The following DLGAP1 variants were observed in gnomAD, a reference collection of about 807,000 sequenced individuals.
DLGAP1 encodes the protein disks large-associated protein 1.
A neutral mutation model predicts 90.8 loss-of-function variants in DLGAP1; 11 were observed. That is an observed-to-expected ratio of 0.12 (90% CI 0.08 to 0.20). The LOEUF (loss-of-function observed/expected upper bound fraction) is 0.20, where lower values mean the gene tolerates loss of function less well. DLGAP1 is among the 10% of genes least tolerant of loss of function. The pLI is 1.00. For synonymous variants in DLGAP1, 558 were observed against 540.7 expected (o/e 1.03, Z -0.44); for missense variants, 1,050 against 1,333.8 (o/e 0.79, Z 3.31).
intron 7 of DLGAP1, among the ~76,000 whole-genome samples, chr18:3,592,497 C>A (rs1234015301): frequency 6.6e-6 from 1 of 152,178 alleles, no homozygotes; most frequent in African/African-American, 2.4e-5. Context: ...TCCTAATCAC[C>A]AGAGAGCAAA....
intron 1 of DLGAP1, among the ~76,000 whole-genome samples, chr18:4,191,272 T>C (rs920600796): frequency 6.6e-6 from 1 of 152,160 alleles, no homozygotes; most frequent in Non-Finnish European, 1.5e-5. Context: ...TCTATAAGTA[T>C]AAGCATATTT....
intron 7 of DLGAP1, among the ~76,000 whole-genome samples, chr18:3,650,904 T>G (rs1344042855): frequency 1.4e-5 from 2 of 142,950 alleles, no homozygotes; most frequent in Non-Finnish European, 3.1e-5. Flanking sequence ...CTGTCTCTAT[T>G]AAAATACAAA....
rs765224791 is a variant in DLGAP1 at position 4,381,056 on chromosome 18, TATC to T, written c.-267+73947_-267+73949del. Among the ~76,000 whole-genome samples, 135 of 152,324 alleles carry T rather than the reference TATC, an allele frequency of 8.9e-4. 2 individuals are homozygous for T. Among genetic ancestry groups the T allele is most frequent in the Non-Finnish European group, 1.0e-3 (71 of 68,028 alleles). On this transcript the variant is annotated intron_variant, in intron 1 of 12. Transcript: ENST00000315677. ...AACCATCATTAATTTCCAACTGGCTTATCATACATAGTATCACCCAGGTGGTTA... is the reference window on the plus strand; with the variant it reads ...AACCATCATTAATTTCCAACTGGCTTATACATAGTATCACCCAGGTGGTTA...
intron 7 of DLGAP1, among the ~76,000 whole-genome samples, chr18:3,697,100 G>A (rs2061120368): frequency 1.3e-5 from 2 of 151,950 alleles, no homozygotes; most frequent in South Asian, 4.1e-4. Context: ...TTCTTTATTA[G>A]TCTGGCTAGT....
chr18:4,409,944 G>GGT (rs2082740849), intron 1 of DLGAP1, among the ~76,000 whole-genome samples: 1 of 151,986 alleles, frequency 6.6e-6, no homozygotes, highest in East Asian at 1.9e-4. Context: ...AAAAATCTCT[G>GGT]GTATATATAT....
rs1363129753 is a variant in DLGAP1, at chr18:3,498,654, G to A, written c.*531C>T. ...GTCCCTCATGGATTCCAGTGAGATG[G>A]TGTGATTTCTGAGGTTGGGAATAAA... On this transcript the variant is annotated 3_prime_UTR_variant, in exon 13 of 13. Transcript: ENST00000315677. 2.6e-5 allele frequency: 4 copies of A among 152,388 alleles called. No homozygotes were observed. The highest frequency in any genetic ancestry group is 9.7e-5 in the African/African-American group (4 of 41,444). 9.4% of individuals were successfully genotyped at this position (152,388 alleles called of 1,614,324 possible). A position where few individuals can be genotyped will look rare whatever the true frequency, so the allele number is the denominator to read the frequency against.
At chr18:3,830,644 C>T (rs2067982641) in intron 4 of DLGAP1, among the ~76,000 whole-genome samples, 1 of 152,162 alleles carries the variant, frequency 6.6e-6, no homozygotes, top group South Asian at 2.1e-4. Context: ...CAAAGAATTC[C>T]ATAATGCCCG....
At chr18:4,227,886 A>G (rs2078225215) in intron 1 of DLGAP1, among the ~76,000 whole-genome samples, 1 of 151,830 alleles carries the variant, frequency 6.6e-6, no homozygotes, top group Non-Finnish European at 1.5e-5. Flanking sequence ...AATGAAGAAA[A>G]CAATACAAAA....
intron 7 of DLGAP1, among the ~76,000 whole-genome samples, chr18:3,602,660 G>C (rs1198094750): frequency 6.7e-6 from 1 of 149,248 alleles, no homozygotes; most frequent in South Asian, 2.1e-4. Flanking sequence ...ATGAACTGCA[G>C]ATATAAATAG....
intron 1 of DLGAP1, among the ~76,000 whole-genome samples, chr18:4,296,484 T>C (rs1162774755): frequency 6.6e-6 from 1 of 152,240 alleles, no homozygotes; most frequent in African/African-American, 2.4e-5. Context: ...CACAGTGTTA[T>C]ACCTGTATAA....
intron 3 of DLGAP1, among the ~76,000 whole-genome samples, chr18:3,940,925 C>A (rs564640616): frequency 6.6e-6 from 1 of 152,236 alleles, no homozygotes; most frequent in South Asian, 2.1e-4. Context: ...GGACTTAAAA[C>A]TTTCCCACAG....
At chr18:3,702,280 C>T (rs749234792) in intron 7 of DLGAP1, among the ~76,000 whole-genome samples, 14 of 152,212 alleles carry the variant, frequency 9.2e-5, no homozygotes, top group Admixed American at 2.6e-4. Flanking sequence ...CCGCCCACCT[C>T]GGCTTCCCAA....
At chr18:3,511,625 C>T (rs72856877) in intron 10 of DLGAP1, among the ~76,000 whole-genome samples, 10,881 of 151,782 alleles carry the variant, frequency 0.072, 457 homozygotes, top group Admixed American at 0.086. Flanking sequence ...AATGTTGGGT[C>T]TCACTATGTG....
At chr18:3,597,650 G>A (rs2056659048) in intron 7 of DLGAP1, 1 of 215,296 alleles carries the variant, frequency 4.6e-6, no homozygotes, top group Non-Finnish European at 9.3e-6. Flanking sequence ...TGCTGCCACT[G>A]CCCTAGGAAC....
At chr18:3,763,700 G>A (rs188191074) in intron 5 of DLGAP1, among the ~76,000 whole-genome samples, 162 of 146,906 alleles carry the variant, frequency 1.1e-3, no homozygotes, top group Non-Finnish European at 1.6e-3. Context: ...TTTCACTCTT[G>A]TTGCCCAGGC....
At chr18:4,400,387 C>T (rs744448) in intron 1 of DLGAP1, among the ~76,000 whole-genome samples, 49,679 of 152,102 alleles carry the variant, frequency 0.33, 8,261 homozygotes, top group Admixed American at 0.36. Flanking sequence ...TTGTTCAGAA[C>T]GGAAAAAGGA....
At chr18:4,061,088 G>A (rs905411663) in intron 2 of DLGAP1, among the ~76,000 whole-genome samples, 7 of 152,264 alleles carry the variant, frequency 4.6e-5, no homozygotes, top group African/African-American at 1.7e-4. Context: ...CTTCTATCTG[G>A]TGTCCTAGTC....
At chr18:4,408,032 A>G (rs1030740365) in intron 1 of DLGAP1, among the ~76,000 whole-genome samples, 3 of 152,168 alleles carry the variant, frequency 2.0e-5, no homozygotes, top group Non-Finnish European at 4.4e-5. Context: ...GAGTAAGATC[A>G]TACAAATCTG....
chr18:3,862,943 C>T (rs913934757), intron 4 of DLGAP1, among the ~76,000 whole-genome samples: 3 of 152,270 alleles, frequency 2.0e-5, no homozygotes, highest in Non-Finnish European at 4.4e-5. Context: ...AATTTGGACA[C>T]CTCTAATCAC....
Sources: gnomAD v4.1 joint callset for allele counts (sites outside exome capture counted in the v4.1 genomes callset) on GRCh38, gnomAD v4.1.1 for gene constraint, MANE v1.5 for transcripts, NCBI Gene and HGNC (gene_info 2026-07-23, HGNC 2026-07-21) for gene names.